CCNY: variants seen among roughly 807,000 people sequenced by gnomAD.
CCNY encodes the protein cyclin-Y.
A neutral mutation model predicts 42.8 loss-of-function variants in CCNY; 19 were observed. The ratio of observed to expected loss-of-function variants is 0.44; its 90% CI spans 0.31 to 0.65. CCNY has a LOEUF of 0.65. CCNY is among the 30% of genes least tolerant of loss of function. The probability of loss-of-function intolerance (pLI) is 0.07; values close to 1 mark genes in which losing one functional copy is unlikely to be tolerated. For missense variants in CCNY, 370 were observed against 437.3 expected (o/e 0.85, Z 1.37); for synonymous variants, 165 against 162.7 (o/e 1.01, Z -0.11).
chr10:35,304,126 C>G (rs1402017747), intron 3 of CCNY, among the ~76,000 whole-genome samples: 1 of 152,144 alleles, frequency 6.6e-6, no homozygotes, highest in East Asian at 1.9e-4. Flanking sequence ...CTTTCAGTAG[C>G]TTTGCACCTC....
intron 1 of CCNY, among the ~76,000 whole-genome samples, chr10:35,456,811 AG>A (rs1461751985): frequency 6.6e-6 from 1 of 152,208 alleles, no homozygotes; most frequent in Non-Finnish European, 1.5e-5. Flanking sequence ...AAAATACTGT[AG>A]GTGATTATCT....
At chr10:35,462,390 G>A (rs1390476970) in intron 1 of CCNY, among the ~76,000 whole-genome samples, 1 of 152,124 alleles carries the variant, frequency 6.6e-6, no homozygotes, top group Non-Finnish European at 1.5e-5. Flanking sequence ...CCTGCACTTA[G>A]CATCTCTGCA....
intron 1 of CCNY, among the ~76,000 whole-genome samples, chr10:35,359,268 T>C (rs1434225553): frequency 6.6e-6 from 1 of 152,178 alleles, no homozygotes; most frequent in Non-Finnish European, 1.5e-5. Context: ...CAGGCTGTTC[T>C]TGGGGCCTGT....
intron 5 of CCNY, among the ~76,000 whole-genome samples, chr10:35,528,776 CTGTTT>C (rs758506042): frequency 6.6e-6 from 1 of 152,240 alleles, no homozygotes; most frequent in East Asian, 1.9e-4. Flanking sequence ...GAAAATTGAG[CTGTTT>C]TGTTAAGCTC....
chr10:35,402,441 C>A lies in CCNY; in HGVS notation c.154+65234C>A, dbSNP rs12257111. 7.9e-3 allele frequency among the ~76,000 whole-genome samples: 1,203 copies of A among 152,214 alleles called. 22 individuals carry two copies. The highest frequency in any genetic ancestry group is 0.028 in the African/African-American group (1,151 of 41,540). ...TGGTTGGCGAGTTTTTGGGCTCTAT[C>A]CTTGAGTTTTTCTATGTTGTCATAT... On this transcript the variant is annotated intron_variant, in intron 1 of 9. Transcript: ENST00000374704.
In CCNY at chr10:35,533,668, C is replaced by T. The variant is rs115679728; in HGVS notation, c.579+3425C>T. On this transcript the variant is annotated intron_variant, in intron 7 of 9. Coordinates refer to ENST00000374704, the MANE Select transcript of CCNY (RefSeq NM_145012.6). ...AAGTTGCAACCTCCCTCCTGCACCG[C>T]ACTCCCTGCTCATCACTTCCTGCTT... Among the ~76,000 whole-genome samples the T allele has an allele frequency of 2.0e-4, 31 of 152,338 alleles. 1 individual carries two copies. The highest frequency in any genetic ancestry group is 7.2e-4 in the African/African-American group (30 of 41,578).
intron 3 of CCNY, among the ~76,000 whole-genome samples, chr10:35,296,547 C>G (rs1379206147): frequency 6.6e-6 from 1 of 152,124 alleles, no homozygotes; most frequent in Non-Finnish European, 1.5e-5. Context: ...CGTCACAGCA[C>G]TCCGGCCTGG....
intron 2 of CCNY, among the ~76,000 whole-genome samples, chr10:35,496,681 A>G (rs1564434719): frequency 6.6e-6 from 1 of 152,182 alleles, no homozygotes; most frequent in African/African-American, 2.4e-5. Context: ...AAAGAAAAAA[A>G]TTGGAAATGG....
intron 1 of CCNY, among the ~76,000 whole-genome samples, chr10:35,411,386 G>A (rs1383489887): frequency 6.6e-6 from 1 of 151,928 alleles, no homozygotes; most frequent in Non-Finnish European, 1.5e-5. Flanking sequence ...AGTGGCGCGT[G>A]CCTGTGATCT....
intron 1 of CCNY, among the ~76,000 whole-genome samples, chr10:35,469,570 GGACAGACA>G (rs1374400334): frequency 2.9e-5 from 4 of 138,132 alleles, no homozygotes; most frequent in Non-Finnish European, 5.9e-5. Context: ...ATGGAGAGAT[GGACAGACA>G]GGGAGATGGA....
chr10:35,332,334 T>G (rs544092850), upstream of CCNY: 1 of 152,354 alleles, frequency 6.6e-6, no homozygotes, highest in South Asian at 2.1e-4. Flanking sequence ...TTTTCTGTGT[T>G]CCAGAAGGTG....
intron 1 of CCNY, among the ~76,000 whole-genome samples, chr10:35,430,558 C>G (rs981027260): frequency 1.3e-5 from 2 of 151,934 alleles, no homozygotes; most frequent in African/African-American, 4.8e-5. Flanking sequence ...GCATCTTTCA[C>G]TTTAGAAATA....
chr10:35,450,827 A>T (rs149645049), intron 1 of CCNY, among the ~76,000 whole-genome samples: 2,565 of 151,450 alleles, frequency 0.017, 26 homozygotes, highest in Middle Eastern at 0.045. Flanking sequence ...TCTGTTTTGG[A>T]GAATGACAGT....
intron 7 of CCNY, among the ~76,000 whole-genome samples, chr10:35,542,282 G>C (rs1841018189): frequency 6.6e-6 from 1 of 151,230 alleles, no homozygotes; most frequent in Non-Finnish European, 1.5e-5. Flanking sequence ...ATTAGACTGG[G>C]ATTGTATGTT....
intron 2 of CCNY, among the ~76,000 whole-genome samples, chr10:35,490,363 T>C (rs957306115): frequency 1.3e-5 from 2 of 152,270 alleles, no homozygotes; most frequent in Admixed American, 1.3e-4. Flanking sequence ...CAGTCTTACC[T>C]TCTGTGAGAA....
Position 35,266,593 on chromosome 10 carries a change from C to T in CCNY, c.-9+15967C>T, listed in dbSNP as rs72793878. ...GAAAATACTTCTCATTAACCATAAA[C>T]GAACCGAACAGAATGTAACAAGAGC... On this transcript the variant is annotated intron_variant, in intron 3 of 11. Coordinates refer to the CCNY transcript ENST00000374706. Among the ~76,000 whole-genome samples the T allele has an allele frequency of 7.5e-3, 1,139 of 152,182 alleles. 4 individuals are homozygous for T. The highest frequency in any genetic ancestry group is 0.013 in the Non-Finnish European group (887 of 68,008).
chr10:35,343,393 T>TTC lies in CCNY; in HGVS notation c.154+6187_154+6188insCT, dbSNP rs1163948847. Among the ~76,000 whole-genome samples the TTC allele has an allele frequency of 7.7e-5, 11 of 143,718 alleles. No individual in the cohort carries two copies. The East Asian group carries it at 2.2e-3, about 29-fold the overall frequency. 94.3% of individuals were successfully genotyped at this position (143,718 alleles called of 152,430 possible). A position where few individuals can be genotyped will look rare whatever the true frequency, so the allele number is the denominator to read the frequency against. ...ACAAAGCTGATGGTCTTTTTTTTTT[T>TTC]TTTTTTTTTTTTTGAAACGGAGTTT... On this transcript the variant is annotated intron_variant, in intron 1 of 9. Transcript: ENST00000374704.
chr10:35,536,529 A>C (rs755465420), intron 7 of CCNY, among the ~76,000 whole-genome samples: 21 of 152,188 alleles, frequency 1.4e-4, no homozygotes, highest in Non-Finnish European at 2.6e-4. Context: ...TTTGGAACTT[A>C]CTAGAGACTT....
intron 4 of CCNY, among the ~76,000 whole-genome samples, chr10:35,524,943 T>C (rs1357840248): frequency 6.6e-6 from 1 of 152,202 alleles, no homozygotes; most frequent in Non-Finnish European, 1.5e-5. Context: ...AGCCTCACCA[T>C]TGTTAATGAC....
Sources: allele counts gnomAD v4.1 joint callset (sites outside exome capture counted in the v4.1 genomes callset), GRCh38; gene constraint gnomAD v4.1.1; transcripts MANE v1.5; gene names NCBI Gene and HGNC (gene_info 2026-07-23, HGNC 2026-07-21).